KIAA0319L: variants seen among roughly 807,000 people sequenced by gnomAD.
KIAA0319L encodes dyslexia-associated protein KIAA0319-like protein.
In KIAA0319L, 55 loss-of-function variants were observed where a neutral mutation model predicts 120.1. That is an observed-to-expected ratio of 0.46 (90% CI 0.37 to 0.57). The LOEUF is 0.57. Ranked by LOEUF, KIAA0319L falls within the 20% of genes least tolerant of loss-of-function variation. The probability of loss-of-function intolerance (pLI) is 0.00; values close to 1 mark genes in which losing one functional copy is unlikely to be tolerated. For synonymous variants in KIAA0319L, 398 were observed against 471.9 expected, an observed-to-expected ratio of 0.84 and a Z score of 2.03; for missense variants, 1,049 against 1,255.3, an observed-to-expected ratio of 0.84 and a Z score of 2.48.
intron 20 of KIAA0319L, chr1:35,439,625 A>T (rs1340245336): frequency 6.6e-6 from 1 of 152,080 alleles, no homozygotes; most frequent in Non-Finnish European, 1.5e-5. Context: ...AGGTTAAGGG[A>T]GGGATAAGAA....
intron 6 of KIAA0319L, 86 bp downstream of exon 6, chr1:35,470,777 T>G: frequency 1.2e-6 from 1 of 844,494 alleles, no homozygotes; most frequent in Non-Finnish European, 2.1e-6. Context: ...ACAACTTAAG[T>G]GTAGACAGAA....
intron 17 of KIAA0319L, 147 bp downstream of exon 17, chr1:35,444,014 G>T: frequency 1.6e-6 from 1 of 633,238 alleles, no homozygotes; most frequent in Non-Finnish European, 2.5e-6. Flanking sequence ...GATGAATCAG[G>T]ACTCTTTCAT....
At chr1:35,513,288 A>ATATATATATATATTT (rs1414704674) in intron 2 of KIAA0319L, among the ~76,000 whole-genome samples, 3 of 85,300 alleles carry the variant, frequency 3.5e-5, no homozygotes, top group East Asian at 5.8e-4. Context: ...ATATATATAT[A>ATATATATATATATTT]TTTTTTTTTT....
At chr1:35,439,898 T>A (rs890782371) in intron 20 of KIAA0319L, 2 of 152,040 alleles carry the variant, frequency 1.3e-5, no homozygotes, top group Non-Finnish European at 2.9e-5. Flanking sequence ...CAAACTGATG[T>A]AAGCTCACAA....
At chr1:35,461,757 G>A (rs1642909635) in intron 8 of KIAA0319L, among the ~76,000 whole-genome samples, 1 of 152,032 alleles carries the variant, frequency 6.6e-6, no homozygotes, top group Non-Finnish European at 1.5e-5. Context: ...TACAACGTGA[G>A]CCCTTTCTAC....
chr1:35,447,369 C>G (rs1374913218), intron 16 of KIAA0319L, among the ~76,000 whole-genome samples: 1 of 151,420 alleles, frequency 6.6e-6, no homozygotes, highest in African/African-American at 2.5e-5. Context: ...CCTCAGCTTG[C>G]ATATAACTGT....
chr1:35,550,757 A>G (rs1285435181), intron 2 of KIAA0319L, among the ~76,000 whole-genome samples: 2 of 152,074 alleles, frequency 1.3e-5, no homozygotes, highest in African/African-American at 2.4e-5. Flanking sequence ...TTCTAAAGAG[A>G]CAGGGCCTCA....
chr1:35,497,243 A>G (rs1294079399), intron 3 of KIAA0319L, among the ~76,000 whole-genome samples: 1 of 152,128 alleles, frequency 6.6e-6, no homozygotes, highest in Admixed American at 6.5e-5. Flanking sequence ...AAGACAAAAA[A>G]AAAAAAGATG....
chr1:35,537,552 G>A (rs1257257354), intron 2 of KIAA0319L, among the ~76,000 whole-genome samples: 5 of 144,704 alleles, frequency 3.5e-5, no homozygotes, highest in Non-Finnish European at 7.4e-5. Flanking sequence ...GCCAATAGAG[G>A]AAAAGTTTAT....
intron 2 of KIAA0319L, among the ~76,000 whole-genome samples, chr1:35,529,067 A>ATTG (rs1273984373): frequency 6.6e-6 from 1 of 151,946 alleles, no homozygotes; most frequent in Non-Finnish European, 1.5e-5. Context: ...ACAGTCTGTT[A>ATTG]TTGTTGTTGT....
intron 2 of KIAA0319L, among the ~76,000 whole-genome samples, chr1:35,520,546 A>G (rs1645870392): frequency 6.6e-6 from 1 of 152,102 alleles, no homozygotes; most frequent in African/African-American, 2.4e-5. Flanking sequence ...CATGTGTGCC[A>G]CTACACCCAG....
At chr1:35,492,744 C>T (rs539929287) in intron 3 of KIAA0319L, among the ~76,000 whole-genome samples, 78 of 152,250 alleles carry the variant, frequency 5.1e-4, no homozygotes, top group Middle Eastern at 3.4e-3. Context: ...AAATTCCCTA[C>T]AGCTGATGAA....
chr1:35,482,002 T>G (rs965808608), intron 3 of KIAA0319L, among the ~76,000 whole-genome samples: 1 of 151,926 alleles, frequency 6.6e-6, no homozygotes, highest in Non-Finnish European at 1.5e-5. Context: ...TTTTTTGTAT[T>G]TTTAGTAGTG....
intron 2 of KIAA0319L, among the ~76,000 whole-genome samples, chr1:35,545,859 T>C (rs1646962703): frequency 6.6e-6 from 1 of 152,018 alleles, no homozygotes; most frequent in Admixed American, 6.6e-5. Context: ...TGTGCCACTG[T>C]ACTCCAGCCT....
intron 3 of KIAA0319L, among the ~76,000 whole-genome samples, chr1:35,489,100 G>A (rs1004425884): frequency 6.6e-6 from 1 of 152,124 alleles, no homozygotes; most frequent in African/African-American, 2.4e-5. Context: ...ATATTTAGGA[G>A]AGCATCTGGG....
At chr1:35,496,675 G>A (rs1301890926) in intron 3 of KIAA0319L, among the ~76,000 whole-genome samples, 1 of 152,086 alleles carries the variant, frequency 6.6e-6, no homozygotes, top group East Asian at 1.9e-4. Context: ...TGGGTACAGT[G>A]GCTCATGTCT....
At chr1:35,492,531 T>TTAATAA (rs758328189) in intron 3 of KIAA0319L, among the ~76,000 whole-genome samples, 1 of 150,856 alleles carries the variant, frequency 6.6e-6, no homozygotes, top group East Asian at 1.9e-4. Context: ...AATAAATTAA[T>TTAATAA]TAATAATAAT....
At chr1:35,521,606 C>T (rs1277822635) in intron 2 of KIAA0319L, among the ~76,000 whole-genome samples, 1 of 150,772 alleles carries the variant, frequency 6.6e-6, no homozygotes, top group African/African-American at 2.4e-5. Context: ...TGCACTCCAG[C>T]CTGGGTGACG....
At chr1:35,518,578 G>C (rs921065165) in intron 2 of KIAA0319L, among the ~76,000 whole-genome samples, 2 of 152,016 alleles carry the variant, frequency 1.3e-5, no homozygotes, top group Non-Finnish European at 2.9e-5. Flanking sequence ...AGGAGGAAGA[G>C]GAGCAGAAAA....
Sources: gnomAD v4.1 joint callset for allele counts (sites outside exome capture counted in the v4.1 genomes callset) on GRCh38, gnomAD v4.1.1 for gene constraint, MANE v1.5 for transcripts, NCBI Gene and HGNC (gene_info 2026-07-23, HGNC 2026-07-21) for gene names.